Variants in LIPG observed in about 807,000 individuals in gnomAD.
LIPG encodes endothelial lipase.
In LIPG, 34 loss-of-function variants were observed where a neutral mutation model predicts 51.8. The observed-to-expected ratio is 0.66, with a 90% CI of 0.50 to 0.87. The LOEUF (loss-of-function observed/expected upper bound fraction) is 0.87. Among genes scored for constraint, LIPG ranks in the 40% least tolerant of loss-of-function variants. The probability of loss-of-function intolerance (pLI) is 0.00; values close to 1 mark genes in which losing one functional copy is unlikely to be tolerated. For synonymous variants in LIPG, 246 were observed against 246.1 expected, an observed-to-expected ratio of 1.00 and a Z score of 0.00; for missense variants, 580 against 652.7, an observed-to-expected ratio of 0.89 and a Z score of 1.21.
At chr18:49,590,439 C>G in intron 9 of LIPG, 62 bp from the exon 10 acceptor site, 1 of 1,554,560 alleles carries the variant, frequency 6.4e-7, no homozygotes, top group South Asian at 1.2e-5. Flanking sequence ...ACCCTGAATA[C>G]AGGTTTGCGC....
In LIPG at chr18:49,590,539, C is replaced by G; in HGVS notation, c.*17C>G. ...CTTCCCTGAGGGTGCCCGGGCAAGT[C>G]TTGCCAGCAAGGCAGCAAGACTTCC... On this transcript the variant is annotated 3_prime_UTR_variant, in exon 10 of 10. Coordinates refer to ENST00000261292, the MANE Select transcript of LIPG (RefSeq NM_006033.4). The G allele has an allele frequency of 3.1e-6, 5 of 1,594,876 alleles. No homozygotes were observed. Among genetic ancestry groups the G allele is most frequent in the South Asian group, 1.1e-5 (1 of 88,218 alleles).
In LIPG at chr18:49,591,083, C is replaced by T. The variant is rs780571315; in HGVS notation, c.*561C>T. On this transcript the variant is annotated 3_prime_UTR_variant, in exon 10 of 10. Coordinates refer to ENST00000261292, the MANE Select transcript of LIPG (RefSeq NM_006033.4). Reference sequence around the variant, plus strand: ...TCCGTCCTGCTCCCCAGCTCACTCTCTGAAGCACACATCATTGGCTTTCCT... The same window carrying T: ...TCCGTCCTGCTCCCCAGCTCACTCTTTGAAGCACACATCATTGGCTTTCCT... 60 of 167,178 alleles carry T rather than the reference C, an allele frequency of 3.6e-4. 1 individual carries two copies. Among genetic ancestry groups the T allele is most frequent in the Non-Finnish European group, 6.9e-4 (52 of 75,810 alleles). The allele number at this position is 167,178 out of a possible 1,614,324, so 10.4% of individuals were successfully genotyped here.
chr18:49,586,832 G>A lies in LIPG; in HGVS notation c.1463G>A (p.Arg488Lys), dbSNP rs754584324. Residue 488 changes from arginine to lysine, a missense_variant, in exon 9 of 10, where the codon AGG (arginine) becomes AAG (lysine). Coordinates refer to ENST00000261292, the MANE Select transcript of LIPG (RefSeq NM_006033.4). ...TTTCGCAAGTGTCGGGATGGCTGGA[G>A]GATGAAAAACGAAACCAGGTAACCA... ...LWFRKCRDGW[R>K]MKNETSPTVE... is the part of the protein sequence containing the mutation. The A allele has an allele frequency of 2.5e-6, 4 of 1,614,062 alleles. No homozygotes were observed. The South Asian group carries it at 4.4e-5, about 18-fold the overall frequency.
intron 4 of LIPG, among the ~76,000 whole-genome samples, chr18:49,574,146 G>T (rs897029776): frequency 6.6e-6 from 1 of 152,172 alleles, no homozygotes; most frequent in Admixed American, 6.5e-5. Flanking sequence ...GGTCCTTCCT[G>T]TGTGTCTGTG....
At chr18:49,569,672 C>A in intron 4 of LIPG, 124 bp downstream of exon 4, 5 of 802,254 alleles carry the variant, frequency 6.2e-6, no homozygotes, top group Non-Finnish European at 1.0e-5. Flanking sequence ...GCATCTAATT[C>A]AAAACTTCCC....
At chr18:49,578,014 C>T (rs1269321711) in intron 5 of LIPG, among the ~76,000 whole-genome samples, 17 of 139,354 alleles carry the variant, frequency 1.2e-4, no homozygotes, top group South Asian at 2.3e-4. Flanking sequence ...GCTGGCCAGG[C>T]GGGGGGCTGA....
chr18:49,585,912 T>G (rs1416861314), intron 8 of LIPG, among the ~76,000 whole-genome samples: 1 of 152,204 alleles, frequency 6.6e-6, no homozygotes, highest in Non-Finnish European at 1.5e-5. Context: ...GTGAGATAGG[T>G]CATGTTTTTA....
chr18:49,590,519 C>A lies in LIPG; in HGVS notation c.1500C>A (p.Pro500=). Residue 500 remains proline (P), a synonymous_variant, in exon 10 of 10, where the codon CCC becomes CCA. Transcript: ENST00000261292. ...CTTTCAGTCCCACTGTGGAGCTTCC[C>A]TGAGGGTGCCCGGGCAAGTCTTGCC... The part of the protein sequence containing the change: ...KNETSPTVEL[P] 6.2e-7 allele frequency: 1 copy of A among 1,601,526 alleles called. No homozygotes were observed. The highest frequency in any genetic ancestry group is 8.5e-7 in the Non-Finnish European group (1 of 1,172,812).
At chr18:49,581,297 A>G (rs774532644) in intron 5 of LIPG, 118 bp from the exon 6 acceptor site, 8 of 1,429,992 alleles carry the variant, frequency 5.6e-6, no homozygotes, top group Non-Finnish European at 7.9e-6. Context: ...AATTACATGA[A>G]AATACTAACA....
intron 6 of LIPG, 91 bp from the exon 7 acceptor site, chr18:49,582,271 A>C (rs2084828071): frequency 6.4e-7 from 1 of 1,555,248 alleles, no homozygotes; most frequent in Admixed American, 1.7e-5. Context: ...ACCAGCCCTA[A>C]AATCTCTGTG....
chr18:49,571,411 T>C (rs113053021), intron 4 of LIPG, among the ~76,000 whole-genome samples: 1 of 152,180 alleles, frequency 6.6e-6, no homozygotes, highest in African/African-American at 2.4e-5. Context: ...CCCTGCCTGT[T>C]TGAGTGGCAT....
chr18:49,582,983 C>T lies in LIPG; in HGVS notation c.1157+501C>T, dbSNP rs115489445. Among the ~76,000 whole-genome samples, 949 of 152,302 alleles carry T rather than the reference C, an allele frequency of 6.2e-3. 7 individuals are homozygous for T. The highest frequency in any genetic ancestry group is 0.021 in the African/African-American group (882 of 41,566). On this transcript the variant is annotated intron_variant, in intron 7 of 9. Coordinates refer to ENST00000261292, the MANE Select transcript of LIPG (RefSeq NM_006033.4). ...TCACTTCTCAGGGCTCACAGTCTAG[C>T]TGGGAGACCAGGTTTGTACACGCAC...
Position 49,565,605 on chromosome 18 carries a change from C to G in LIPG, c.279+107C>G, listed in dbSNP as rs34982833. 929 of 1,295,496 alleles carry G rather than the reference C, an allele frequency of 7.2e-4. 15 individuals are homozygous for G. The East Asian group carries it at 0.021, about 30-fold the overall frequency. The allele number at this position is 1,295,496 out of a possible 1,614,324, so 80.3% of individuals were successfully genotyped here. Reference sequence around the variant, plus strand: ...TTCCAGATTCCAAACCCTCTTCCCCCCTTTCCTTGTGGGCTGCTTGTATTT... The same window carrying G: ...TTCCAGATTCCAAACCCTCTTCCCCGCTTTCCTTGTGGGCTGCTTGTATTT... On this transcript the variant is annotated intron_variant, in intron 2 of 9. Transcript: ENST00000261292.
At chr18:49,590,207 G>GTGTT in intron 9 of LIPG, 1 of 492,998 alleles carries the variant, frequency 2.0e-6, no homozygotes. Context: ...GTGTGTGTGT[G>GTGTT]TATGTTGTGG....
In LIPG at chr18:49,591,110, T is replaced by C. The variant is rs2084939226; in HGVS notation, c.*588T>C. ...GAAGCACACATCATTGGCTTTCCTA[T>C]TTTTCTGTTCATTTTTTAATTGAGC... On this transcript the variant is annotated 3_prime_UTR_variant, in exon 10 of 10. Transcript: ENST00000261292. 1 of 161,730 alleles carries C rather than the reference T, an allele frequency of 6.2e-6. No homozygotes were observed. Among genetic ancestry groups the C allele is most frequent in the Non-Finnish European group, 1.4e-5 (1 of 72,842 alleles). 10.0% of individuals were successfully genotyped at this position (161,730 alleles called of 1,614,324 possible).
At chr18:49,585,192 A>G (rs7230119) in intron 8 of LIPG, among the ~76,000 whole-genome samples, 130,229 of 152,222 alleles carry the variant, frequency 0.86, 56,372 homozygotes, top group African/African-American at 0.97. Context: ...CTTCTGAGTA[A>G]CTGGGATTAC....
chr18:49,561,799 G>C, upstream of LIPG: 1 of 1,257,668 alleles, frequency 8.0e-7, no homozygotes, highest in Admixed American at 3.7e-5. Flanking sequence ...GTCCGGAGGA[G>C]GGCAGTGGGA....
intron 1 of LIPG, 60 bp downstream of exon 1, chr18:49,562,465 T>A: frequency 7.1e-7 from 1 of 1,407,120 alleles, no homozygotes; most frequent in Non-Finnish European, 1.0e-6. Context: ...CCCCTCTGTC[T>A]TGCTGATTCT....
chr18:49,568,562 G>T (rs1299572422), intron 3 of LIPG, among the ~76,000 whole-genome samples: 1 of 151,604 alleles, frequency 6.6e-6, no homozygotes, highest in East Asian at 1.9e-4. Context: ...TGTATTTTTA[G>T]TAGAGATGGG....
Sources: allele counts gnomAD v4.1 joint callset (sites outside exome capture counted in the v4.1 genomes callset), GRCh38; gene constraint gnomAD v4.1.1; transcripts MANE v1.5; gene names NCBI Gene and HGNC (gene_info 2026-07-23, HGNC 2026-07-21).